Variants in UNC79 observed in about 807,000 individuals in gnomAD.
The protein encoded by UNC79 is unc-79 subunit of NALCN channel complex, also known as protein unc-79 homolog.
In UNC79, 37 loss-of-function variants were observed where a neutral mutation model predicts 283.1. That is an observed-to-expected ratio of 0.13 (90% CI 0.10 to 0.17). The LOEUF is 0.17. Ranked by LOEUF, UNC79 falls within the 10% of genes least tolerant of loss-of-function variation. The pLI is 1.00. For missense variants in UNC79, 2,272 were observed against 3,211.1 expected (o/e 0.71, Z 7.07); for synonymous variants, 1,107 against 1,200.2 (o/e 0.92, Z 1.61).
At chr14:93,522,840 A>G (rs2060384433) in intron 7 of UNC79, among the ~76,000 whole-genome samples, 1 of 152,130 alleles carries the variant, frequency 6.6e-6, no homozygotes, top group Admixed American at 6.6e-5. Flanking sequence ...TATTTCCGTG[A>G]ATCCCCAACT....
chr14:93,618,045 G>A (rs1340812737), intron 28 of UNC79, 147 bp from the exon 30 acceptor site: 1 of 840,580 alleles, frequency 1.2e-6, no homozygotes, highest in Non-Finnish European at 1.7e-6. Flanking sequence ...ATAAGGCCAT[G>A]AGCAGAATTT....
chr14:93,609,842 G>A (rs1366094587), intron 26 of UNC79, among the ~76,000 whole-genome samples: 1 of 152,158 alleles, frequency 6.6e-6, no homozygotes, highest in African/African-American at 2.4e-5. Context: ...ATTTCAAAGA[G>A]AGGCAATAAA....
chr14:93,585,087 T>C (rs1057195477), intron 20 of UNC79, among the ~76,000 whole-genome samples: 3 of 152,238 alleles, frequency 2.0e-5, no homozygotes, highest in African/African-American at 7.2e-5. Context: ...CCCTGCATGC[T>C]CCTCCAGGCT....
chr14:93,546,373 G>A (rs1057325157), intron 14 of UNC79, among the ~76,000 whole-genome samples: 1 of 152,148 alleles, frequency 6.6e-6, no homozygotes, highest in Non-Finnish European at 1.5e-5. Flanking sequence ...CTCCTCCACT[G>A]TCATTATTTT....
intron 7 of UNC79, among the ~76,000 whole-genome samples, chr14:93,506,111 C>A (rs914863640): frequency 2.0e-5 from 3 of 151,748 alleles, no homozygotes; most frequent in Non-Finnish European, 2.9e-5. Context: ...AAATAATATC[C>A]TTTTATATTT....
At position 93,641,256 on chromosome 14, in the gene UNC79, G is replaced by C. The variant is rs371324493; in HGVS notation, c.5903+9G>C. On this transcript the variant is annotated intron_variant, in intron 33 of 48. Transcript: ENST00000555664. The stretch of plus-strand genomic sequence containing the variant: ...ACGGTGATGACGGACAAGTAAGCTC[G>C]CACAGTTATTTTCTTCACCATGTTT... 1 of 1,608,484 alleles carries C rather than the reference G, an allele frequency of 6.2e-7. No homozygotes were observed. Among genetic ancestry groups the C allele is most frequent in the African/African-American group, 1.3e-5 (1 of 74,810 alleles).
chr14:93,611,781 G>A (rs1378481583), intron 26 of UNC79, among the ~76,000 whole-genome samples: 1 of 152,008 alleles, frequency 6.6e-6, no homozygotes, highest in African/African-American at 2.4e-5. Context: ...GAATGCCAGT[G>A]TGCTGATCTA....
chr14:93,464,625 C>CG (rs763130131), intron 1 of UNC79: 4 of 455,746 alleles, frequency 8.8e-6, no homozygotes, highest in African/African-American at 8.0e-5. Flanking sequence ...GGGGTGGCCC[C>CG]GGGGGGAGTT....
intron 1 of UNC79, among the ~76,000 whole-genome samples, chr14:93,341,663 A>G (rs1290670013): frequency 1.3e-5 from 2 of 151,482 alleles, no homozygotes; most frequent in Non-Finnish European, 2.9e-5. Flanking sequence ...GTTCCCACCT[A>G]CTTGGGAGGC....
At chr14:93,521,060 G>T (rs2060298923) in intron 7 of UNC79, among the ~76,000 whole-genome samples, 1 of 152,018 alleles carries the variant, frequency 6.6e-6, no homozygotes, top group African/African-American at 2.4e-5. Context: ...CAAGCTACTT[G>T]TGGATTAGTC....
At chr14:93,562,670 C>T (rs2062632520) in intron 14 of UNC79, among the ~76,000 whole-genome samples, 3 of 152,062 alleles carry the variant, frequency 2.0e-5, no homozygotes, top group South Asian at 2.1e-4. Context: ...GGTGATTTGA[C>T]TAGTAAAGGC....
At chr14:93,494,054 C>G (rs2058895730) in intron 5 of UNC79, among the ~76,000 whole-genome samples, 1 of 151,438 alleles carries the variant, frequency 6.6e-6, no homozygotes. Context: ...CAGGCACCCA[C>G]CACCACACCC....
At position 93,445,367 on chromosome 14, in the gene UNC79, T is replaced by C. The variant is rs545176473; in HGVS notation, c.22+14316T>C. Reference sequence around the variant, plus strand: ...GCTAAATAAAAGTGATGTGAGTGAGTGTTCTTGCCTTGTTCTTGACCTTAG... The same window carrying C: ...GCTAAATAAAAGTGATGTGAGTGAGCGTTCTTGCCTTGTTCTTGACCTTAG... On this transcript the variant is annotated intron_variant, in intron 1 of 48. Coordinates refer to ENST00000555664, the Ensembl canonical transcript of UNC79. Among the ~76,000 whole-genome samples, 5 of 152,266 alleles carry C rather than the reference T, an allele frequency of 3.3e-5. No homozygotes were observed. The South Asian group carries it at 1.0e-3, about 32-fold the overall frequency.
chr14:93,606,954 AAGCTT>A (rs2065929658), intron 26 of UNC79, among the ~76,000 whole-genome samples: 1 of 152,194 alleles, frequency 6.6e-6, no homozygotes, highest in Admixed American at 6.5e-5. Context: ...ACAAAAGAAC[AAGCTT>A]GTTGGTGACT....
At chr14:93,400,068 A>T (rs1353519663) in intron 1 of UNC79, among the ~76,000 whole-genome samples, 1 of 152,134 alleles carries the variant, frequency 6.6e-6, no homozygotes, top group Non-Finnish European at 1.5e-5. Context: ...CCTATTTGCC[A>T]TTGATATATC....
At chr14:93,697,116 A>G (rs1204030256) in intron 47 of UNC79, among the ~76,000 whole-genome samples, 1 of 151,826 alleles carries the variant, frequency 6.6e-6, no homozygotes, top group Non-Finnish European at 1.5e-5. Context: ...TGTCCCATTG[A>G]TCTCTATTTC....
chr14:93,556,044 A>G (rs2062155402), intron 14 of UNC79, among the ~76,000 whole-genome samples: 1 of 152,214 alleles, frequency 6.6e-6, no homozygotes, highest in South Asian at 2.1e-4. Context: ...GCTGGAAGGC[A>G]GAACAGATCT....
Position 93,660,643 on chromosome 14 carries a change from G to A in UNC79, c.6525+1382G>A, listed in dbSNP as rs899077709. On this transcript the variant is annotated intron_variant, in intron 39 of 48. Coordinates refer to ENST00000555664, the Ensembl canonical transcript of UNC79. ...CTCGCTCTGTCACCCAGGCTGGAGT[G>A]CAGTGATGCCAACTTGGCTCACTGC... is the stretch of plus-strand genomic sequence containing the variant. 3.4e-5 allele frequency among the ~76,000 whole-genome samples: 5 copies of A among 149,038 alleles called. No homozygotes were observed. The South Asian group carries it at 1.1e-3, about 32-fold the overall frequency.
At chr14:93,463,343 G>A (rs1249916552) in intron 1 of UNC79, among the ~76,000 whole-genome samples, 1 of 152,130 alleles carries the variant, frequency 6.6e-6, no homozygotes, top group Non-Finnish European at 1.5e-5. Context: ...ACTGGAGTGA[G>A]TGGAAGGAGG....
Sources: gnomAD v4.1 joint callset for allele counts (sites outside exome capture counted in the v4.1 genomes callset) on GRCh38, gnomAD v4.1.1 for gene constraint, MANE v1.5 for transcripts, NCBI Gene and HGNC (gene_info 2026-07-23, HGNC 2026-07-21) for gene names.